The following CES2 variants were observed in gnomAD, a reference collection of about 807,000 sequenced individuals.
The protein encoded by CES2 is carboxylesterase 2, also known as cocaine esterase.
CES2 carries 42 observed loss-of-function variants against 52.1 expected under a neutral mutation model. The ratio of observed to expected loss-of-function variants is 0.81; its 90% CI spans 0.63 to 1.04. CES2 has a LOEUF of 1.04. CES2 is among the 50% of genes least tolerant of loss of function. The probability of loss-of-function intolerance (pLI) is 0.00; values close to 1 mark genes in which losing one functional copy is unlikely to be tolerated. For missense variants in CES2, 656 were observed against 724.3 expected (o/e 0.91, Z 1.08); for synonymous variants, 277 against 289.6 (o/e 0.96, Z 0.44).
Position 66,942,200 on chromosome 16 carries a change from G to A in CES2, c.1233G>A (p.Met411Ile), listed in dbSNP as rs1238695602. 1.2e-6 allele frequency: 2 copies of A among 1,613,884 alleles called. No individual in the cohort carries two copies. The highest frequency in any genetic ancestry group is 1.1e-5 in the South Asian group (1 of 91,044). ...QTLQAQFQEM[M>I]ADSMFVIPAL... ...TCCAAGCGCAGTTCCAGGAGATGATGGCGGACTCCATGTTTGTGATCCCTG... is the reference window on the plus strand; with the variant it reads ...TCCAAGCGCAGTTCCAGGAGATGATAGCGGACTCCATGTTTGTGATCCCTG... The change falls in exon 9 of 12, where the codon ATG becomes ATA. Residue 411 changes from methionine to isoleucine, a missense_variant. Met to Ile is a conservative substitution (Grantham distance 10). Coordinates refer to ENST00000317091, the MANE Select transcript of CES2 (RefSeq NM_001365405.1).
chr16:66,943,351 G>A lies in CES2; in HGVS notation c.1473G>A (p.Trp491Ter). The change falls in exon 11 of 12, where the codon TGG (tryptophan) becomes TGA (stop). Residue 491 changes from tryptophan to a stop codon, truncating the protein, a stop_gained. Transcript: ENST00000317091. LOFTEE classifies it low-confidence loss of function (END_TRUNC). This position sits in a 1 kb window ranked among gnomAD's most constrained non-coding sequence, Gnocchi z 4.2. ...TAAGCAGGAAGATGATGAAGTACTGGGCCAACTTTGCGAGAAATGGGTGAG... is the reference window on the plus strand; with the variant it reads ...TAAGCAGGAAGATGATGAAGTACTGAGCCAACTTTGCGAGAAATGGGTGAG... ...EQLSRKMMKYWANFARNGNPN... is the reference protein window; with the variant it reads ...EQLSRKMMKY The A allele has an allele frequency of 6.2e-7, 1 of 1,614,068 alleles. No individual in the cohort carries two copies. Among genetic ancestry groups the A allele is most frequent in the East Asian group, 2.2e-5 (1 of 44,876 alleles).
At chr16:66,939,185 C>A (rs372746048) in intron 2 of CES2, 32 bp from the exon 3 acceptor site, 1 of 1,609,936 alleles carries the variant, frequency 6.2e-7, no homozygotes, top group Non-Finnish European at 8.5e-7. Context: ...CACAGCCTGG[C>A]CCCTGGACTG....
intron 2 of CES2, among the ~76,000 whole-genome samples, chr16:66,938,652 C>G (rs1045803470): frequency 6.6e-6 from 1 of 152,210 alleles, no homozygotes; most frequent in African/African-American, 2.4e-5. Context: ...GTAGTGGTAG[C>G]TTTCTGGGGA....
Position 66,943,848 on chromosome 16 carries a change from T to C in CES2, c.1503T>C (p.Asn501=). Reference sequence around the variant, plus strand: ...GATGGCATGTCTACAGGAACCCCAATGGCGAGGGTCTGCCACACTGGCCGC... The same window carrying C: ...GATGGCATGTCTACAGGAACCCCAACGGCGAGGGTCTGCCACACTGGCCGC... The part of the protein sequence containing the change: ...WANFARNGNP[N]GEGLPHWPLF... Residue 501 remains asparagine (N), a synonymous_variant, in exon 12 of 12, where the codon AAT becomes AAC. Transcript: ENST00000317091. The surrounding 1 kb of genome is among the most constrained non-coding windows in gnomAD (Gnocchi z 4.2). 1.9e-6 allele frequency: 3 copies of C among 1,595,028 alleles called. No homozygotes were observed. Among genetic ancestry groups the C allele is most frequent in the South Asian group, 1.1e-5 (1 of 89,296 alleles).
rs112732183 is a variant in CES2, at chr16:66,940,516, G to C, written c.637G>C (p.Ala213Pro). ...AALRWVQQNI[A>P]HFGGNPDRVT... Reference sequence around the variant, plus strand: ...ACTACGCTGGGTCCAGCAGAATATCGCCCACTTTGGAGGCAACCCTGACCG... The same window carrying C: ...ACTACGCTGGGTCCAGCAGAATATCCCCCACTTTGGAGGCAACCCTGACCG... The change falls in exon 5 of 12, where the codon GCC becomes CCC. Residue 213 changes from alanine (A) to proline (P), a missense_variant. Physicochemically the swap from Ala to Pro is conservative, Grantham distance 27 (BLOSUM62 -1). Coordinates refer to ENST00000317091, the MANE Select transcript of CES2 (RefSeq NM_001365405.1). The C allele has an allele frequency of 3.2e-5, 52 of 1,614,224 alleles. 1 individual carries two copies. Among genetic ancestry groups the C allele is most frequent in the African/African-American group, 3.1e-4 (23 of 75,070 alleles).
chr16:66,936,040 T>C, intron 1 of CES2: 1 of 1,266,564 alleles, frequency 7.9e-7, no homozygotes, highest in South Asian at 1.7e-5. Flanking sequence ...CATTTCCCTC[T>C]TATGATTGTG....
In CES2 at chr16:66,943,596, C is replaced by T. The variant is rs976293864; in HGVS notation, c.1493+225C>T. ...AGGGTGGGCGCCAGTGCTGTGCCAC[C>T]GTCAGGGCCTCCCTCTCAGAGAGAG... On this transcript the variant is annotated intron_variant, in intron 11 of 11. Coordinates refer to ENST00000317091, the MANE Select transcript of CES2 (RefSeq NM_001365405.1). This position sits in a 1 kb window ranked among gnomAD's most constrained non-coding sequence, Gnocchi z 4.2. The T allele has an allele frequency of 1.7e-5, 10 of 587,432 alleles. No homozygotes were observed. The highest frequency in any genetic ancestry group is 1.3e-4 in the African/African-American group (7 of 53,724). 36.4% of individuals were successfully genotyped at this position (587,432 alleles called of 1,614,324 possible).
rs8192925 is a variant in CES2 at position 66,944,094 on chromosome 16, A to T, written c.*69A>T. 1 of 746,600 alleles carries T rather than the reference A, an allele frequency of 1.3e-6. No individual in the cohort carries two copies. The highest frequency in any genetic ancestry group is 3.2e-5 in the Admixed American group (1 of 31,004). 46.2% of individuals were successfully genotyped at this position (746,600 alleles called of 1,614,324 possible). On this transcript the variant is annotated 3_prime_UTR_variant, in exon 12 of 12. Coordinates refer to ENST00000317091, the MANE Select transcript of CES2 (RefSeq NM_001365405.1). ...GGGTCAGCCTGCTGTGCCCACACACACCCACTAAGGAGAAAGAAGTTGATT... is the reference window on the plus strand; with the variant it reads ...GGGTCAGCCTGCTGTGCCCACACACTCCCACTAAGGAGAAAGAAGTTGATT...
In CES2 at chr16:66,935,862, C is replaced by T. The variant is rs1423192831; in HGVS notation, c.76+151C>T. 3.3e-6 allele frequency: 5 copies of T among 1,507,058 alleles called. No homozygotes were observed. The African/African-American group carries it at 5.5e-5, about 17-fold the overall frequency. 93.4% of individuals were successfully genotyped at this position (1,507,058 alleles called of 1,614,324 possible). On this transcript the variant is annotated intron_variant, in intron 1 of 11. Transcript: ENST00000317091. ...AACTCGTGAGCCCCACGCAACGCCT[C>T]CCCGCCGCCCAAGGTGGGCTCCTAG...
Position 66,941,823 on chromosome 16 carries a change from C to T in CES2, c.1112C>T (p.Ala371Val). ...ATGGACAGAGAGGCCTCCCAGGCTG[C>T]TCTGCAGAAAATGTTAACGCTGCTG... ...KEMDREASQA[A>V]LQKMLTLLML... The change falls in exon 8 of 12, where the codon GCT (alanine) becomes GTT (valine). Residue 371 changes from alanine (A) to valine (V), a missense_variant. Physicochemically the swap from Ala to Val is moderately conservative, Grantham distance 64. Transcript: ENST00000317091. 1 of 1,614,146 alleles carries T rather than the reference C, an allele frequency of 6.2e-7. No homozygotes were observed. Among genetic ancestry groups the T allele is most frequent in the Non-Finnish European group, 8.5e-7 (1 of 1,180,008 alleles).
chr16:66,935,784 G>C, intron 1 of CES2, 73 bp downstream of exon 1: 2 of 1,595,416 alleles, frequency 1.3e-6, no homozygotes, highest in Non-Finnish European at 1.7e-6. Flanking sequence ...GAACCTGACA[G>C]TGCGGGAGGG....
chr16:66,938,253 A>C lies in CES2; in HGVS notation c.281+12A>C. On this transcript the variant is annotated intron_variant, in intron 2 of 11. Transcript: ENST00000317091. ...ACCCATCCGGCCATGTAAGCTCTCC[A>C]AGGGGTCCAGGGAACTCCAGGCCCT... 1.9e-6 allele frequency: 3 copies of C among 1,604,430 alleles called. No homozygotes were observed. Among genetic ancestry groups the C allele is most frequent in the Non-Finnish European group, 2.6e-6 (3 of 1,171,282 alleles).
intron 5 of CES2, 98 bp downstream of exon 5, chr16:66,940,793 G>A (rs928827310): frequency 9.8e-6 from 14 of 1,432,302 alleles, no homozygotes; most frequent in African/African-American, 7.1e-5. Flanking sequence ...GCCATCGGGA[G>A]CATGCTCCAG....
At chr16:66,940,798 C>T (rs1225580679) in intron 5 of CES2, 103 bp downstream of exon 5, 19 of 1,389,874 alleles carry the variant, frequency 1.4e-5, no homozygotes, top group Non-Finnish European at 1.7e-5. Flanking sequence ...CGGGAGCATG[C>T]TCCAGGAGCT....
At chr16:66,940,379 A>G in intron 4 of CES2, 24 bp downstream of exon 4, 1 of 1,614,130 alleles carries the variant, frequency 6.2e-7, no homozygotes, top group Non-Finnish European at 8.5e-7. Context: ...TGGGCTGGGC[A>G]ACCCGGGCTG....
chr16:66,939,322 C>T lies in CES2; in HGVS notation c.387C>T (p.Tyr129=), dbSNP rs1161570825. The T allele has an allele frequency of 1.2e-6, 2 of 1,614,084 alleles. No individual in the cohort carries two copies. Among genetic ancestry groups the T allele is most frequent in the Admixed American group, 1.7e-5 (1 of 60,008 alleles). ...AGGACTGCCTGTACCTCAGCATCTA[C>T]ACGCCGGCCCATAGCCATGAAGGCT... ...MSEDCLYLSI[Y]TPAHSHEGSN... Residue 129 remains tyrosine, a synonymous_variant, in exon 3 of 12, where the codon TAC becomes TAT. Transcript: ENST00000317091.
Position 66,940,189 on chromosome 16 carries a change from G to A in CES2, c.424-33G>A, listed in dbSNP as rs373489723. 170 of 1,610,326 alleles carry A rather than the reference G, an allele frequency of 1.1e-4. 1 individual carries two copies. The African/African-American group carries it at 1.8e-3, about 17-fold the overall frequency. ...GCCCTGGTGGGGTTTGGGCTGGGTGGGAGCATCATGGTAGCTGCCTTGATT... is the reference window on the plus strand; with the variant it reads ...GCCCTGGTGGGGTTTGGGCTGGGTGAGAGCATCATGGTAGCTGCCTTGATT... On this transcript the variant is annotated intron_variant, in intron 3 of 11. Coordinates refer to ENST00000317091, the MANE Select transcript of CES2 (RefSeq NM_001365405.1).
intron 2 of CES2, 131 bp downstream of exon 2, chr16:66,938,372 T>C (rs1963269188): frequency 1.5e-6 from 1 of 678,504 alleles, no homozygotes; most frequent in Non-Finnish European, 2.6e-6. Context: ...GTTTCGTGGA[T>C]TCCCACGTGC....
intron 8 of CES2, 56 bp from the exon 9 acceptor site, chr16:66,942,049 C>T: frequency 2.6e-6 from 4 of 1,566,718 alleles, no homozygotes; most frequent in Admixed American, 3.5e-5. Flanking sequence ...GAGACCACCT[C>T]CTCCCTGCCC....
Sources: gnomAD v4.1 joint callset for allele counts (sites outside exome capture counted in the v4.1 genomes callset) on GRCh38, gnomAD v4.1.1 for gene constraint, Gnocchi (gnomAD v3.1) non-coding constraint, MANE v1.5 for transcripts, NCBI Gene and HGNC (gene_info 2026-07-23, HGNC 2026-07-21) for gene names.